CLEC1B: variants seen among roughly 807,000 people sequenced by gnomAD.
CLEC1B encodes the protein C-type lectin domain family 1 member B.
CLEC1B carries 26 observed loss-of-function variants against 26.7 expected under a neutral mutation model. The ratio of observed to expected loss-of-function variants is 0.97; its 90% CI spans 0.71 to 1.35. The LOEUF is 1.35. Ranked by LOEUF, CLEC1B falls within the 40% of genes most tolerant of loss-of-function variation. The probability of loss-of-function intolerance (pLI) is 0.00; values close to 1 mark genes in which losing one functional copy is unlikely to be tolerated. For synonymous variants in CLEC1B, 112 were observed against 96.0 expected (o/e 1.17, Z -0.97); for missense variants, 293 against 282.6 (o/e 1.04, Z -0.26).
chr12:9,996,222 T>A (rs1204412644), intron 4 of CLEC1B, among the ~76,000 whole-genome samples: 1 of 152,190 alleles, frequency 6.6e-6, no homozygotes, highest in Non-Finnish European at 1.5e-5. Flanking sequence ...AATATTTTCT[T>A]TAAAATATAT....
rs898032247 is a variant in CLEC1B, at chr12:9,993,396, GAAAAAAAAACAA to G, written c.546-121_546-110del. On this transcript the variant is annotated intron_variant, in intron 5 of 5. Transcript: ENST00000298527. The stretch of plus-strand genomic sequence containing the variant: ...ACCAAATAGAGACTGAGGAAAATAG[GAAAAAAAAACAA>G]AAAAAAAAACGATTCTCATTGTTGA... 8 of 313,218 alleles carry G rather than the reference GAAAAAAAAACAA, an allele frequency of 2.6e-5. No individual in the cohort carries two copies. The African/African-American group carries it at 6.6e-4, about 26-fold the overall frequency. The allele number at this position is 313,218 out of a possible 1,614,324, so 19.4% of individuals were successfully genotyped here.
chr12:10,000,824 G>C (rs1466308718), upstream of CLEC1B, among the ~76,000 whole-genome samples: 2 of 152,308 alleles, frequency 1.3e-5, no homozygotes, highest in East Asian at 1.9e-4. Context: ...AGCAAGTCCT[G>C]AGGCTATTCT....
rs1198935026 is a variant in CLEC1B, at chr12:9,997,282, A to C, written c.164-3T>G. On this transcript the variant is annotated splice_polypyrimidine_tract_variant and splice_region_variant and intron_variant, in intron 2 of 5. Transcript: ENST00000298527. ...TAGGTAATTGCGCTGCATGACAGCT[A>C]GGTTTAAAAAGTAAATAATAATAAT... The C allele has an allele frequency of 6.2e-7, 1 of 1,604,846 alleles. No individual in the cohort carries two copies.
intron 2 of CLEC1B, among the ~76,000 whole-genome samples, chr12:9,997,610 T>C (rs1391173162): frequency 2.0e-5 from 3 of 152,230 alleles, no homozygotes; most frequent in African/African-American, 7.2e-5. Flanking sequence ...TGACCTCTTA[T>C]TTTCTGTTCT....
intron 1 of CLEC1B, among the ~76,000 whole-genome samples, chr12:9,998,659 G>GTTTTA (rs1241016496): frequency 6.6e-6 from 1 of 151,592 alleles, no homozygotes; most frequent in Non-Finnish European, 1.5e-5. Flanking sequence ...GTTTTGTTTT[G>GTTTTA]TTTTGTTTTG....
chr12:9,997,992 G>A (rs1865092533), intron 2 of CLEC1B, among the ~76,000 whole-genome samples: 2 of 152,134 alleles, frequency 1.3e-5, no homozygotes, highest in Non-Finnish European at 1.5e-5. Context: ...TAGGAAAAGG[G>A]ATGAAAAAGT....
Position 9,996,996 on chromosome 12 carries a change from A to G in CLEC1B, c.288T>C (p.Gly96=). ...TTGTGTCACAGGGGCTGCATTTATG[A>G]CCTTCTGGAGAAACCAAGCACAGGA... The part of the protein sequence containing the change: ...KQSELKGTFK[G]HKCSPCDTNW... The change falls in exon 4 of 6, where the codon GGT becomes GGC. Residue 96 remains glycine, a synonymous_variant. Transcript: ENST00000298527. 1 of 1,613,936 alleles carries G rather than the reference A, an allele frequency of 6.2e-7. No homozygotes were observed. Among genetic ancestry groups the G allele is most frequent in the Non-Finnish European group, 8.5e-7 (1 of 1,179,912 alleles).
rs1353175038 is a variant in CLEC1B at position 9,997,270 on chromosome 12, T to A, written c.173A>T (p.Gln58Leu). Reference sequence around the variant, plus strand: ...ATTCTCACCTTGTAGGTAATTGCGCTGCATGACAGCTAGGTTTAAAAAGTA... The same window carrying A: ...ATTCTCACCTTGTAGGTAATTGCGCAGCATGACAGCTAGGTTTAAAAAGTA... ...LVALGIWSVMQRNYLQGENEN... is the reference protein window; with the variant it reads ...LVALGIWSVMLRNYLQGENEN... The change falls in exon 3 of 6, where the codon CAG becomes CTG. Residue 58 changes from glutamine (Q) to leucine (L), a missense_variant. Coordinates refer to ENST00000298527, the MANE Select transcript of CLEC1B (RefSeq NM_016509.4). 5.0e-6 allele frequency: 8 copies of A among 1,610,756 alleles called. No individual in the cohort carries two copies. Among genetic ancestry groups the A allele is most frequent in the Non-Finnish European group, 3.4e-6 (4 of 1,177,746 alleles).
chr12:9,998,952 A>G (rs1865119316), intron 1 of CLEC1B, 85 bp downstream of exon 1: 3 of 788,964 alleles, frequency 3.8e-6, no homozygotes, highest in South Asian at 3.4e-5. Flanking sequence ...TAAACTATAT[A>G]TATTATCAAT....
chr12:10,000,124 A>T (rs1865139796), upstream of CLEC1B, among the ~76,000 whole-genome samples: 1 of 152,224 alleles, frequency 6.6e-6, no homozygotes, highest in Non-Finnish European at 1.5e-5. Flanking sequence ...TTTTTGTTAA[A>T]TCACCATGAC....
At chr12:9,996,363 C>G (rs1169473175) in intron 4 of CLEC1B, among the ~76,000 whole-genome samples, 1 of 152,160 alleles carries the variant, frequency 6.6e-6, no homozygotes, top group Non-Finnish European at 1.5e-5. Flanking sequence ...TCTGCCTAGA[C>G]TAATACAAAT....
At chr12:9,999,618 A>G (rs948713658), upstream of CLEC1B, among the ~76,000 whole-genome samples, 2 of 152,200 alleles carry the variant, frequency 1.3e-5, no homozygotes, top group Non-Finnish European at 2.9e-5. Flanking sequence ...TTGTGTTGGA[A>G]GAGATCATTC....
At chr12:9,994,827 A>ATG (rs1864993100) in intron 5 of CLEC1B, among the ~76,000 whole-genome samples, 1 of 140,026 alleles carries the variant, frequency 7.1e-6, no homozygotes, top group South Asian at 2.3e-4. Context: ...ACACATGTGC[A>ATG]TGCGCGCACA....
At chr12:9,995,561 A>G in intron 4 of CLEC1B, 1 of 359,370 alleles carries the variant, frequency 2.8e-6, no homozygotes, top group Middle Eastern at 9.9e-4. Flanking sequence ...TATGATTCAA[A>G]GGAATAAATG....
intron 1 of CLEC1B, 84 bp downstream of exon 1, chr12:9,998,953 T>C (rs1456446678): frequency 2.5e-6 from 2 of 795,944 alleles, no homozygotes; most frequent in Admixed American, 2.2e-5. Flanking sequence ...AAACTATATA[T>C]ATTATCAATA....
Position 9,997,142 on chromosome 12 carries a change from TA to T in CLEC1B, c.283+17del. 1.2e-6 allele frequency: 2 copies of T among 1,613,644 alleles called. No individual in the cohort carries two copies. The highest frequency in any genetic ancestry group is 2.2e-5 in the South Asian group (2 of 91,066). On this transcript the variant is annotated intron_variant, in intron 3 of 5. Coordinates refer to ENST00000298527, the MANE Select transcript of CLEC1B (RefSeq NM_016509.4). ...CCAGGGGTTGGAGAGATGAAGAGGT[TA>T]AAAAAACAATACTTACTGAAAGTGC...
At chr12:9,995,070 G>C in intron 5 of CLEC1B, 70 bp downstream of exon 5, 1 of 1,599,728 alleles carries the variant, frequency 6.3e-7, no homozygotes, top group Non-Finnish European at 8.5e-7. Context: ...GACTTGGACT[G>C]AGAGAAGAGG....
At chr12:9,997,339 G>C (rs1433697842) in intron 2 of CLEC1B, 60 bp from the exon 3 acceptor site, 1 of 1,462,498 alleles carries the variant, frequency 6.8e-7, no homozygotes, top group Non-Finnish European at 9.3e-7. Context: ...TGATGCAAAG[G>C]TCTGTCATTG....
At chr12:9,998,751 A>G (rs1865115081) in intron 1 of CLEC1B, among the ~76,000 whole-genome samples, 1 of 152,214 alleles carries the variant, frequency 6.6e-6, no homozygotes, top group African/African-American at 2.4e-5. Context: ...GCTCACATAT[A>G]GAAAATGAAA....
Sources: gnomAD v4.1 joint callset for allele counts (sites outside exome capture counted in the v4.1 genomes callset) on GRCh38, gnomAD v4.1.1 for gene constraint, MANE v1.5 for transcripts, NCBI Gene and HGNC (gene_info 2026-07-23, HGNC 2026-07-21) for gene names.